NCAM2: variants seen among roughly 807,000 people sequenced by gnomAD.
NCAM2 encodes the protein neural cell adhesion molecule 2, also known as N-CAM-2.
NCAM2 carries 30 observed loss-of-function variants against 98.1 expected under a neutral mutation model. That is an observed-to-expected ratio of 0.31 (90% CI 0.23 to 0.41). The LOEUF (loss-of-function observed/expected upper bound fraction) is 0.41, where lower values mean the gene tolerates loss of function less well. Among genes scored for constraint, NCAM2 ranks in the 10% least tolerant of loss-of-function variants. The pLI is 1.00. For missense variants in NCAM2, 867 were observed against 1,005.8 expected (o/e 0.86, Z 1.87); for synonymous variants, 368 against 342.4 (o/e 1.07, Z -0.83).
chr21:21,497,916 T>C (rs920308800), intron 15 of NCAM2, among the ~76,000 whole-genome samples: 1 of 152,132 alleles, frequency 6.6e-6, no homozygotes, highest in Admixed American at 6.6e-5. Flanking sequence ...TGAAAATTGT[T>C]GATGAATTTT....
intron 1 of NCAM2, among the ~76,000 whole-genome samples, chr21:21,241,247 CT>C (rs972669147): frequency 1.3e-5 from 2 of 151,772 alleles, no homozygotes; most frequent in African/African-American, 4.8e-5. Context: ...ATATATTGTT[CT>C]TTTGGAAATT....
At chr21:21,224,467 T>A (rs1019565755) in intron 1 of NCAM2, among the ~76,000 whole-genome samples, 1 of 152,168 alleles carries the variant, frequency 6.6e-6, no homozygotes, top group Non-Finnish European at 1.5e-5. Context: ...ATGGATTGTT[T>A]TAAATAATTG....
intron 5 of NCAM2, among the ~76,000 whole-genome samples, chr21:21,301,112 T>C (rs543209054): frequency 6.6e-6 from 1 of 152,208 alleles, no homozygotes; most frequent in Admixed American, 6.6e-5. Flanking sequence ...TCTGTTTAAG[T>C]CCCTTAGAGG....
At chr21:21,085,359 G>A (rs778704237) in intron 1 of NCAM2, among the ~76,000 whole-genome samples, 15 of 152,016 alleles carry the variant, frequency 9.9e-5, no homozygotes, top group Non-Finnish European at 1.9e-4. Flanking sequence ...ACCCCTCCCT[G>A]CCCTTTCTGT....
chr21:21,184,975 G>C (rs1031917144), intron 1 of NCAM2, among the ~76,000 whole-genome samples: 1 of 152,048 alleles, frequency 6.6e-6, no homozygotes, highest in Admixed American at 6.6e-5. Context: ...AGGTGATAGG[G>C]GAGTCAGCAC....
intron 14 of NCAM2, among the ~76,000 whole-genome samples, chr21:21,473,342 A>G (rs895943176): frequency 1.5e-4 from 21 of 142,634 alleles, no homozygotes; most frequent in African/African-American, 4.7e-4. Context: ...ATATATATGC[A>G]ATTATATATA....
intron 1 of NCAM2, among the ~76,000 whole-genome samples, chr21:21,209,695 TTGTC>T (rs67792978): frequency 0.31 from 47,679 of 151,818 alleles, 8,638 homozygotes; most frequent in Non-Finnish European, 0.43. Context: ...AAAGCTCTGA[TTGTC>T]TGCTCTGTGT....
intron 1 of NCAM2, among the ~76,000 whole-genome samples, chr21:21,120,995 C>A (rs1228101847): frequency 1.3e-5 from 2 of 152,102 alleles, no homozygotes; most frequent in African/African-American, 2.4e-5. Context: ...GGATTACAGG[C>A]GTGAGCCACC....
chr21:21,294,806 A>C (rs73320635), intron 5 of NCAM2, among the ~76,000 whole-genome samples: 4,414 of 135,892 alleles, frequency 0.032, 200 homozygotes, highest in African/African-American at 0.12. Context: ...CCTTTTAAAT[A>C]TCGAGGTTTT....
At chr21:21,358,596 A>T (rs1200725707) in intron 8 of NCAM2, among the ~76,000 whole-genome samples, 1 of 152,098 alleles carries the variant, frequency 6.6e-6, no homozygotes, top group Non-Finnish European at 1.5e-5. Flanking sequence ...TACATAAAAC[A>T]AATTAGTTCA....
chr21:21,445,767 A>T (rs1186018736), intron 12 of NCAM2, among the ~76,000 whole-genome samples: 2 of 151,122 alleles, frequency 1.3e-5, no homozygotes, highest in Non-Finnish European at 1.5e-5. Context: ...ATGGGTCTTG[A>T]CTCTTTATCC....
chr21:21,198,587 T>C (rs1170493949), intron 1 of NCAM2, among the ~76,000 whole-genome samples: 2 of 152,176 alleles, frequency 1.3e-5, no homozygotes, highest in Non-Finnish European at 2.9e-5. Context: ...AAATAATTCT[T>C]ATCATTCTGA....
chr21:21,417,235 CTCTT>C (rs1253269518), intron 10 of NCAM2, among the ~76,000 whole-genome samples: 1 of 152,020 alleles, frequency 6.6e-6, no homozygotes, highest in Non-Finnish European at 1.5e-5. Flanking sequence ...TTTGTTAAAT[CTCTT>C]TCTCATTAGA....
chr21:21,053,197 TATA>T (rs2065146137), intron 1 of NCAM2, among the ~76,000 whole-genome samples: 1 of 152,156 alleles, frequency 6.6e-6, no homozygotes, highest in East Asian at 1.9e-4. Context: ...TAAATATTTA[TATA>T]ATGATTGTGC....
At chr21:21,404,669 G>A (rs137909990) in intron 9 of NCAM2, among the ~76,000 whole-genome samples, 40 of 151,516 alleles carry the variant, frequency 2.6e-4, no homozygotes, top group African/African-American at 4.6e-4. Context: ...TGTATATACC[G>A]TATATCAATA....
intron 1 of NCAM2, among the ~76,000 whole-genome samples, chr21:21,225,481 T>G (rs1226319667): frequency 6.6e-6 from 1 of 152,010 alleles, no homozygotes; most frequent in Non-Finnish European, 1.5e-5. Context: ...TATACGGCAG[T>G]TTATAGAATT....
chr21:21,173,193 G>A (rs182431193), intron 1 of NCAM2, among the ~76,000 whole-genome samples: 34 of 152,208 alleles, frequency 2.2e-4, no homozygotes, highest in African/African-American at 7.2e-4. Flanking sequence ...TTTAACTACT[G>A]ATGGTAGAAA....
chr21:21,161,116 G>A (rs2067768837), intron 1 of NCAM2, among the ~76,000 whole-genome samples: 2 of 151,922 alleles, frequency 1.3e-5, no homozygotes, highest in Non-Finnish European at 1.5e-5. Context: ...ATTGTCCTGT[G>A]AATTAATTTA....
chr21:21,047,231 T>C (rs2065022315), intron 1 of NCAM2, among the ~76,000 whole-genome samples: 1 of 152,220 alleles, frequency 6.6e-6, no homozygotes, highest in Non-Finnish European at 1.5e-5. Context: ...AAGTGTTCAA[T>C]GATTTCTTTG....
Sources: gnomAD v4.1 joint callset for allele counts (sites outside exome capture counted in the v4.1 genomes callset) on GRCh38, gnomAD v4.1.1 for gene constraint, MANE v1.5 for transcripts, NCBI Gene and HGNC (gene_info 2026-07-23, HGNC 2026-07-21) for gene names.